The following ITGA9 variants were observed in gnomAD, a reference collection of about 807,000 sequenced individuals.
ITGA9 encodes integrin alpha-9.
ITGA9 carries 56 observed loss-of-function variants against 127.8 expected under a neutral mutation model. The ratio of observed to expected loss-of-function variants is 0.44; its 90% CI spans 0.35 to 0.55. ITGA9 has a LOEUF of 0.55. Ranked by LOEUF, ITGA9 falls within the 20% of genes least tolerant of loss-of-function variation. ITGA9 has a pLI of 0.00. For missense variants in ITGA9, 1,196 were observed against 1,347.1 expected (o/e 0.89, Z 1.76); for synonymous variants, 508 against 514.5 (o/e 0.99, Z 0.17).
intron 24 of ITGA9, among the ~76,000 whole-genome samples, chr3:37,777,792 G>A (rs977356324): frequency 6.6e-6 from 1 of 152,196 alleles, no homozygotes; most frequent in African/African-American, 2.4e-5. Context: ...CTAAACAAGA[G>A]TGATTATTCT....
chr3:37,729,817 C>T (rs1483684000), intron 18 of ITGA9, among the ~76,000 whole-genome samples: 1 of 151,510 alleles, frequency 6.6e-6, no homozygotes, highest in Non-Finnish European at 1.5e-5. Context: ...GATTCTCCTG[C>T]CGCAGCCTTC....
intron 27 of ITGA9, among the ~76,000 whole-genome samples, chr3:37,805,588 A>G (rs1697285498): frequency 1.3e-5 from 2 of 152,162 alleles, no homozygotes; most frequent in African/African-American, 4.8e-5. Context: ...ATCTTTCATT[A>G]TGTCGTTAGG....
At chr3:37,762,452 G>A (rs1696733613) in intron 23 of ITGA9, among the ~76,000 whole-genome samples, 1 of 152,012 alleles carries the variant, frequency 6.6e-6, no homozygotes, top group South Asian at 2.1e-4. Flanking sequence ...AAAGAAGGAG[G>A]CTTGGCTAGC....
At chr3:37,748,000 A>G (rs1267250556) in intron 22 of ITGA9, 1 of 290,952 alleles carries the variant, frequency 3.4e-6, no homozygotes, top group Non-Finnish European at 6.7e-6. Flanking sequence ...ACTTAGCATA[A>G]TGACCTCCAG....
At position 37,820,288 on chromosome 3, in the gene ITGA9, T is replaced by C. The variant is rs576119553; in HGVS notation, c.*1299T>C. On this transcript the variant is annotated 3_prime_UTR_variant, in exon 28 of 28. Transcript: ENST00000264741. ...GGCCTCAGAGGTGTCCCAACCTGAA[T>C]CAAGGGGCTGGCTGCACCCAGAGGA... The C allele has an allele frequency of 6.6e-6, 1 of 152,352 alleles. No individual in the cohort carries two copies. The highest frequency in any genetic ancestry group is 2.4e-5 in the African/African-American group (1 of 41,570). 9.4% of individuals were successfully genotyped at this position (152,352 alleles called of 1,614,324 possible).
chr3:37,489,399 A>G (rs1459547117), intron 4 of ITGA9, among the ~76,000 whole-genome samples: 1 of 152,236 alleles, frequency 6.6e-6, no homozygotes, highest in Non-Finnish European at 1.5e-5. Flanking sequence ...GCTCTTTCTG[A>G]GCAAAAATAT....
Position 37,761,544 on chromosome 3 carries a change from A to G in ITGA9, c.2541+10975A>G, listed in dbSNP as rs1431215773. Among the ~76,000 whole-genome samples, 5 of 152,352 alleles carry G rather than the reference A, an allele frequency of 3.3e-5. No homozygotes were observed. In the East Asian group the frequency reaches 9.6e-4, roughly 29 times the overall value. The stretch of plus-strand genomic sequence containing the variant: ...ATGAAATCTTACTAACTTATTACAG[A>G]TAGGTATAGTGCAGAGATACTGTAT... On this transcript the variant is annotated intron_variant, in intron 23 of 27. Transcript: ENST00000264741.
At position 37,452,672 on chromosome 3, in the gene ITGA9, G is replaced by C. The variant is rs573949899; in HGVS notation, c.185+113G>C. On this transcript the variant is annotated intron_variant, in intron 1 of 27. Transcript: ENST00000264741. This position sits in a 1 kb window ranked among gnomAD's most constrained non-coding sequence, Gnocchi z 7.3. Reference sequence around the variant, plus strand: ...TTCCACGCCGCCGTCCCGAGGGGGCGATTTAAATGTCTCCGTTGCGCGCGG... The same window carrying C: ...TTCCACGCCGCCGTCCCGAGGGGGCCATTTAAATGTCTCCGTTGCGCGCGG... 1 of 944,474 alleles carries C rather than the reference G, an allele frequency of 1.1e-6. No homozygotes were observed. The highest frequency in any genetic ancestry group is 3.6e-5 in the East Asian group (1 of 28,162). The allele number at this position is 944,474 out of a possible 1,614,324, so 58.5% of individuals were successfully genotyped here. A position where few individuals can be genotyped will look rare whatever the true frequency, so the allele number is the denominator to read the frequency against.
chr3:37,787,902 GT>G (rs1212905716), intron 26 of ITGA9, among the ~76,000 whole-genome samples: 5 of 152,220 alleles, frequency 3.3e-5, no homozygotes, highest in Non-Finnish European at 5.9e-5. Context: ...CACATAACGT[GT>G]GCACGGTGGT....
At chr3:37,752,171 T>C (rs1364923452) in intron 23 of ITGA9, among the ~76,000 whole-genome samples, 1 of 152,202 alleles carries the variant, frequency 6.6e-6, no homozygotes, top group Non-Finnish European at 1.5e-5. Context: ...GCCCCTCCCT[T>C]GCTCAGTAGG....
At chr3:37,817,944 A>G (rs1697456294) in intron 27 of ITGA9, among the ~76,000 whole-genome samples, 1 of 152,154 alleles carries the variant, frequency 6.6e-6, no homozygotes, top group Non-Finnish European at 1.5e-5. Context: ...CAGACAGCAC[A>G]AATTCCATGG....
intron 26 of ITGA9, among the ~76,000 whole-genome samples, chr3:37,801,456 C>G (rs146688571): frequency 6.6e-6 from 1 of 152,064 alleles, no homozygotes; most frequent in African/African-American, 2.4e-5. Context: ...TATGTATATT[C>G]GACTTCAATA....
chr3:37,811,995 C>T (rs1345844824), intron 27 of ITGA9, among the ~76,000 whole-genome samples: 1 of 152,192 alleles, frequency 6.6e-6, no homozygotes, highest in Non-Finnish European at 1.5e-5. Flanking sequence ...TGAAATGGCT[C>T]AGAGAATGTG....
At chr3:37,639,766 A>AC (rs764702469) in intron 16 of ITGA9, among the ~76,000 whole-genome samples, 37 of 151,808 alleles carry the variant, frequency 2.4e-4, no homozygotes, top group South Asian at 6.3e-4. Context: ...TCTGTGTGAT[A>AC]CCCCCCAGAG....
At chr3:37,570,911 G>A (rs1003648903) in intron 15 of ITGA9, among the ~76,000 whole-genome samples, 1 of 152,150 alleles carries the variant, frequency 6.6e-6, no homozygotes, top group East Asian at 1.9e-4. Context: ...TGTATTGCAC[G>A]GTAGGAATAT....
chr3:37,736,627 A>G (rs1189345953), intron 19 of ITGA9, among the ~76,000 whole-genome samples: 1 of 152,244 alleles, frequency 6.6e-6, no homozygotes, highest in Non-Finnish European at 1.5e-5. Context: ...TATGTGAGTG[A>G]AACTTAGAAA....
intron 18 of ITGA9, among the ~76,000 whole-genome samples, chr3:37,696,294 CT>C (rs1700883979): frequency 6.6e-6 from 1 of 152,202 alleles, no homozygotes; most frequent in Non-Finnish European, 1.5e-5. Flanking sequence ...GTGTGTATCC[CT>C]GAGATACGTA....
At chr3:37,457,674 A>C (rs1230180754) in intron 1 of ITGA9, among the ~76,000 whole-genome samples, 5 of 152,178 alleles carry the variant, frequency 3.3e-5, no homozygotes, top group Non-Finnish European at 7.3e-5. Context: ...TCAAGCTCTC[A>C]AGAAGGAACA....
intron 1 of ITGA9, among the ~76,000 whole-genome samples, chr3:37,467,223 C>G (rs1698382697): frequency 6.6e-6 from 1 of 152,184 alleles, no homozygotes; most frequent in African/African-American, 2.4e-5. Flanking sequence ...GCCCCCTTAT[C>G]TCTAGCCTGA....
Sources: allele counts gnomAD v4.1 joint callset (sites outside exome capture counted in the v4.1 genomes callset), GRCh38; gene constraint gnomAD v4.1.1; non-coding constraint Gnocchi (gnomAD v3.1); transcripts MANE v1.5; gene names NCBI Gene and HGNC (gene_info 2026-07-23, HGNC 2026-07-21).